Variants in PDAP1 observed in about 807,000 individuals in gnomAD.
The protein encoded by PDAP1 is PDGFA associated protein 1.
PDAP1 carries 13 observed loss-of-function variants against 28.0 expected under a neutral mutation model. That is an observed-to-expected ratio of 0.46 (90% CI 0.30 to 0.74). The LOEUF (loss-of-function observed/expected upper bound fraction) is 0.74, where lower values mean the gene tolerates loss of function less well. PDAP1 is among the 30% of genes least tolerant of loss of function. The pLI, the probability that PDAP1 is intolerant of heterozygous loss-of-function variation, is 0.07. For missense variants in PDAP1, 150 were observed against 230.0 expected (o/e 0.65, Z 2.25); for synonymous variants, 77 against 85.1 (o/e 0.91, Z 0.52).
intron 1 of PDAP1, 141 bp from the exon 2 acceptor site, chr7:99,405,094 C>T (rs1342388869): frequency 8.1e-6 from 5 of 614,074 alleles, no homozygotes; most frequent in Non-Finnish European, 1.2e-5. Flanking sequence ...GACACCTCCG[C>T]CACCCTCATG....
chr7:99,403,715 T>TA (rs1182322707), intron 2 of PDAP1, among the ~76,000 whole-genome samples: 1 of 152,060 alleles, frequency 6.6e-6, no homozygotes, highest in Non-Finnish European at 1.5e-5. Context: ...CACCACAGCT[T>TA]AGAGGCCATT....
Position 99,394,824 on chromosome 7 carries a change from A to T in PDAP1, c.*1858T>A. 1 of 1,239,318 alleles carries T rather than the reference A, an allele frequency of 8.1e-7. No individual in the cohort carries two copies. Among genetic ancestry groups the T allele is most frequent in the Non-Finnish European group, 1.0e-6 (1 of 994,436 alleles). 76.8% of individuals were successfully genotyped at this position (1,239,318 alleles called of 1,614,324 possible). ...AAAGTAATTATGGACATGCTTGCCTATGTGGAAGGAGAGGTTTTTTGTTAT... is the reference window on the plus strand; with the variant it reads ...AAAGTAATTATGGACATGCTTGCCTTTGTGGAAGGAGAGGTTTTTTGTTAT... On this transcript the variant is annotated 3_prime_UTR_variant, in exon 6 of 6. Transcript: ENST00000350498.
chr7:99,403,778 C>G (rs1299656372), intron 2 of PDAP1, among the ~76,000 whole-genome samples: 1 of 152,164 alleles, frequency 6.6e-6, no homozygotes, highest in African/African-American at 2.4e-5. Context: ...GCTCCCCTTC[C>G]TAACGCAGCC....
chr7:99,394,800 AAG>A lies in PDAP1; in HGVS notation c.*1880_*1881del, dbSNP rs999740685. 39 of 1,199,240 alleles carry A rather than the reference AAG, an allele frequency of 3.3e-5. 1 individual carries two copies. The African/African-American group carries it at 3.5e-4, about 11-fold the overall frequency. 74.3% of individuals were successfully genotyped at this position (1,199,240 alleles called of 1,614,324 possible). On this transcript the variant is annotated 3_prime_UTR_variant, in exon 6 of 6. Coordinates refer to ENST00000350498, the MANE Select transcript of PDAP1 (RefSeq NM_014891.7). ...TGTGTAAAAAAAAAAAAAAAAAAAAAAGTAATTATGGACATGCTTGCCTATGT... is the reference window on the plus strand; with the variant it reads ...TGTGTAAAAAAAAAAAAAAAAAAAAATAATTATGGACATGCTTGCCTATGT...
chr7:99,403,575 C>T (rs756208061), intron 2 of PDAP1, 70 bp from the exon 3 acceptor site: 3 of 962,888 alleles, frequency 3.1e-6, no homozygotes, highest in East Asian at 2.4e-5. Context: ...GACCCTATCA[C>T]CCCCCAGACT....
intron 1 of PDAP1, 26 bp from the exon 2 acceptor site, chr7:99,404,979 G>A (rs761996178): frequency 6.4e-7 from 1 of 1,568,722 alleles, no homozygotes. Flanking sequence ...GTTTAGGTGA[G>A]CGGAAGCAGC....
intron 3 of PDAP1, among the ~76,000 whole-genome samples, chr7:99,401,264 C>A (rs898982149): frequency 1.3e-5 from 2 of 152,196 alleles, no homozygotes; most frequent in African/African-American, 4.8e-5. Context: ...CTTCAGCAAC[C>A]CCCAAATACA....
At chr7:99,398,119 A>T in intron 4 of PDAP1, 106 bp from the exon 5 acceptor site, 1 of 1,313,118 alleles carries the variant, frequency 7.6e-7, no homozygotes, top group South Asian at 1.3e-5. Flanking sequence ...GCCGAGGTGG[A>T]AGGGGTGCCC....
chr7:99,401,995 C>T (rs1364637894), intron 3 of PDAP1, among the ~76,000 whole-genome samples: 2 of 151,964 alleles, frequency 1.3e-5, no homozygotes, highest in African/African-American at 4.8e-5. Context: ...GGAGGCTGGG[C>T]GCAGTGGCTC....
At chr7:99,405,341 C>G (rs544106094) in intron 1 of PDAP1, among the ~76,000 whole-genome samples, 2 of 151,512 alleles carry the variant, frequency 1.3e-5, no homozygotes, top group African/African-American at 4.9e-5. Context: ...ACACGATGTT[C>G]TGTCACAGCC....
chr7:99,394,943 A>G lies in PDAP1; in HGVS notation c.*1739T>C, dbSNP rs2150901056. ...CTCCCAAGTAGCTGGGACTCCAGGG[A>G]GAGATTGGTGTTTGCACGGCCATAG... On this transcript the variant is annotated 3_prime_UTR_variant, in exon 6 of 6. Coordinates refer to ENST00000350498, the MANE Select transcript of PDAP1 (RefSeq NM_014891.7). The G allele has an allele frequency of 1.6e-6, 1 of 638,732 alleles. No homozygotes were observed. The highest frequency in any genetic ancestry group is 4.4e-5 in the East Asian group (1 of 22,962). 39.6% of individuals were successfully genotyped at this position (638,732 alleles called of 1,614,324 possible). A position where few individuals can be genotyped will look rare whatever the true frequency, so the allele number is the denominator to read the frequency against.
chr7:99,405,131 C>T (rs903260653), intron 1 of PDAP1, among the ~76,000 whole-genome samples, 178 bp from the exon 2 acceptor site: 5 of 152,176 alleles, frequency 3.3e-5, no homozygotes, highest in East Asian at 3.8e-4. Context: ...GGAAGCAACT[C>T]GTGACCATCT....
At chr7:99,396,884 G>C in intron 5 of PDAP1, 144 bp from the exon 6 acceptor site, 1 of 665,968 alleles carries the variant, frequency 1.5e-6, no homozygotes, top group Non-Finnish European at 2.6e-6. Flanking sequence ...CGTGGGAGAG[G>C]ATTTCTGCTG....
Position 99,404,961 on chromosome 7 carries a change from G to T in PDAP1, c.14-8C>A. ...TGTGGCCTCCCTTTCTTCCTGCAGAGACCCGCAGTTTAGGTGAGCGGAAGC... is the reference window on the plus strand; with the variant it reads ...TGTGGCCTCCCTTTCTTCCTGCAGATACCCGCAGTTTAGGTGAGCGGAAGC... On this transcript the variant is annotated splice_region_variant and splice_polypyrimidine_tract_variant and intron_variant, in intron 1 of 5. Coordinates refer to ENST00000350498, the MANE Select transcript of PDAP1 (RefSeq NM_014891.7). The T allele has an allele frequency of 6.2e-7, 1 of 1,611,026 alleles. No individual in the cohort carries two copies. The highest frequency in any genetic ancestry group is 8.5e-7 in the Non-Finnish European group (1 of 1,177,604).
At position 99,394,983 on chromosome 7, in the gene PDAP1, T is replaced by C. The variant is rs1473200010; in HGVS notation, c.*1699A>G. ...CACGGCCATAGGTAGATAGCTTATT[T>C]TTACTGCTTGCCAACAAAATTGATC... On this transcript the variant is annotated 3_prime_UTR_variant, in exon 6 of 6. Coordinates refer to ENST00000350498, the MANE Select transcript of PDAP1 (RefSeq NM_014891.7). 5 of 342,648 alleles carry C rather than the reference T, an allele frequency of 1.5e-5. No homozygotes were observed. The highest frequency in any genetic ancestry group is 2.3e-5 in the Non-Finnish European group (5 of 221,026). The allele number at this position is 342,648 out of a possible 1,614,324, so 21.2% of individuals were successfully genotyped here.
Position 99,394,678 on chromosome 7 carries a change from C to A in PDAP1, c.*2004G>T. ...CTATTCAAGGAATACGTGCCTTTTT[C>A]TTAAATGCTTTCATTTATTGAAAAA... On this transcript the variant is annotated 3_prime_UTR_variant, in exon 6 of 6. Transcript: ENST00000350498. 8.0e-7 allele frequency: 1 copy of A among 1,250,334 alleles called. No individual in the cohort carries two copies. Among genetic ancestry groups the A allele is most frequent in the Non-Finnish European group, 1.0e-6 (1 of 1,004,900 alleles). 77.5% of individuals were successfully genotyped at this position (1,250,334 alleles called of 1,614,324 possible). A position where few individuals can be genotyped will look rare whatever the true frequency, so the allele number is the denominator to read the frequency against.
rs1463998264 is a variant in PDAP1 at position 99,404,761 on chromosome 7, T to C, written c.105+101A>G. On this transcript the variant is annotated intron_variant, in intron 2 of 5. Transcript: ENST00000350498. ...CCCGCCCGACCCCCACGTGCTGGCT[T>C]GTCCCTGCGAATGGGTAGTCCTTGC... is the stretch of plus-strand genomic sequence containing the variant. 3 of 859,560 alleles carry C rather than the reference T, an allele frequency of 3.5e-6. No individual in the cohort carries two copies. In the Admixed American group the frequency reaches 6.7e-5, roughly 19 times the overall value. 53.2% of individuals were successfully genotyped at this position (859,560 alleles called of 1,614,324 possible). A position where few individuals can be genotyped will look rare whatever the true frequency, so the allele number is the denominator to read the frequency against.
intron 3 of PDAP1, among the ~76,000 whole-genome samples, chr7:99,400,772 A>T (rs756932353): frequency 2.6e-5 from 4 of 152,094 alleles, no homozygotes; most frequent in Non-Finnish European, 5.9e-5. Context: ...ATGGAATCCC[A>T]TGCCTGATTC....
chr7:99,408,500 CT>C (rs1308295912), intron 1 of PDAP1, 35 bp downstream of exon 1: 28 of 1,337,442 alleles, frequency 2.1e-5, no homozygotes, highest in Admixed American at 3.7e-5. Flanking sequence ...TGGGCCGCCC[CT>C]CCAGGCCTGC....
Sources: allele counts gnomAD v4.1 joint callset (sites outside exome capture counted in the v4.1 genomes callset), GRCh38; gene constraint gnomAD v4.1.1; transcripts MANE v1.5; gene names NCBI Gene and HGNC (gene_info 2026-07-23, HGNC 2026-07-21).